The following DCC variants were observed in gnomAD, a reference collection of about 807,000 sequenced individuals.
The protein encoded by DCC is netrin receptor DCC.
DCC carries 58 observed loss-of-function variants against 172.5 expected under a neutral mutation model. The observed-to-expected ratio is 0.34, with a 90% CI of 0.27 to 0.42. DCC has a LOEUF of 0.42. DCC is among the 10% of genes least tolerant of loss of function. The pLI is 1.00. For synonymous variants in DCC, 709 were observed against 644.5 expected (o/e 1.10, Z -1.52); for missense variants, 1,740 against 1,791.0 (o/e 0.97, Z 0.51).
intron 2 of DCC, among the ~76,000 whole-genome samples, chr18:52,839,349 C>G (rs563999549): frequency 1.3e-5 from 2 of 152,216 alleles, no homozygotes; most frequent in South Asian, 4.1e-4. Context: ...AGCTACCCAC[C>G]TAATTAGGCA....
intron 1 of DCC, among the ~76,000 whole-genome samples, chr18:52,734,528 T>C (rs1349109521): frequency 6.6e-6 from 1 of 152,124 alleles, no homozygotes; most frequent in Non-Finnish European, 1.5e-5. Flanking sequence ...ATAGGAGATG[T>C]TATCTTGTAT....
intron 1 of DCC, among the ~76,000 whole-genome samples, chr18:52,680,451 A>G (rs1260470285): frequency 2.0e-5 from 3 of 152,062 alleles, no homozygotes; most frequent in Non-Finnish European, 4.4e-5. Context: ...CTTATCCCAA[A>G]TGGAATTCCT....
intron 27 of DCC, among the ~76,000 whole-genome samples, chr18:53,518,029 A>C (rs1159112904): frequency 6.6e-6 from 1 of 152,140 alleles, no homozygotes; most frequent in African/African-American, 2.4e-5. Context: ...TTCCTTGCCT[A>C]TCAGAAGTGT....
At chr18:52,861,468 C>T (rs542183929) in intron 2 of DCC, among the ~76,000 whole-genome samples, 6 of 152,128 alleles carry the variant, frequency 3.9e-5, no homozygotes, top group South Asian at 4.2e-4. Flanking sequence ...ATGTAAACAA[C>T]GATATTACCA....
chr18:53,396,210 T>C (rs11874624), intron 17 of DCC, among the ~76,000 whole-genome samples: 64,614 of 152,008 alleles, frequency 0.43, 15,505 homozygotes, highest in Non-Finnish European at 0.55. Context: ...CATAAATAGA[T>C]AATAAATGTA....
intron 21 of DCC, among the ~76,000 whole-genome samples, chr18:53,429,260 G>GGTTTC (rs1911444471): frequency 6.7e-6 from 1 of 149,998 alleles, no homozygotes; most frequent in Non-Finnish European, 1.5e-5. Context: ...TACTTTAGAA[G>GGTTTC]ATGGTCTCTG....
At chr18:53,125,755 A>C (rs1361300243) in intron 7 of DCC, among the ~76,000 whole-genome samples, 2 of 152,148 alleles carry the variant, frequency 1.3e-5, no homozygotes, top group Admixed American at 1.3e-4. Context: ...GCAGCTCCGA[A>C]GTGTACACAC....
At chr18:53,104,136 G>T (rs2043211614) in intron 7 of DCC, among the ~76,000 whole-genome samples, 1 of 152,004 alleles carries the variant, frequency 6.6e-6, no homozygotes, top group South Asian at 2.1e-4. Context: ...GTGCAGCATG[G>T]CAGTGATCTA....
At position 52,715,344 on chromosome 18, in the gene DCC, G is replaced by C. The variant is rs546030858; in HGVS notation, c.92-36710G>C. 1.0e-4 allele frequency among the ~76,000 whole-genome samples: 15 copies of C among 148,346 alleles called. No individual in the cohort carries two copies. In the South Asian group the frequency reaches 1.9e-3, roughly 19 times the overall value. On this transcript the variant is annotated intron_variant, in intron 1 of 28. Coordinates refer to ENST00000442544, the MANE Select transcript of DCC (RefSeq NM_005215.4). The stretch of plus-strand genomic sequence containing the variant: ...AGACCAAGTGTCACTTTATTGCCCA[G>C]GCTGGAGTGCCGTGGCATGATATCA...
chr18:52,914,980 C>T (rs1182014393), intron 3 of DCC, among the ~76,000 whole-genome samples: 1 of 151,798 alleles, frequency 6.6e-6, no homozygotes, highest in African/African-American at 2.4e-5. Context: ...TAAAGAAAAC[C>T]GAGGAGTACA....
chr18:52,977,398 C>T lies in DCC; in HGVS notation c.985+52028C>T, dbSNP rs2041135925. Reference sequence around the variant, plus strand: ...GCCCATGAGGACATTTAAAAAGATCCCAGGGTGATGCCAATGCACAGCCTG... The same window carrying T: ...GCCCATGAGGACATTTAAAAAGATCTCAGGGTGATGCCAATGCACAGCCTG... On this transcript the variant is annotated intron_variant, in intron 5 of 28. Transcript: ENST00000442544. 2.6e-5 allele frequency among the ~76,000 whole-genome samples: 4 copies of T among 152,014 alleles called. 1 individual carries two copies. In the South Asian group the frequency reaches 8.3e-4, roughly 32 times the overall value.
At chr18:52,876,430 G>A (rs1372420212) in intron 2 of DCC, among the ~76,000 whole-genome samples, 1 of 152,146 alleles carries the variant, frequency 6.6e-6, no homozygotes, top group East Asian at 1.9e-4. Flanking sequence ...ATATGCATAG[G>A]CATACATTCT....
chr18:53,162,817 T>G (rs1483553401), intron 8 of DCC, among the ~76,000 whole-genome samples: 2 of 152,220 alleles, frequency 1.3e-5, no homozygotes, highest in African/African-American at 4.8e-5. Flanking sequence ...CTTACAAATT[T>G]TGTTTCCCTA....
chr18:52,604,542 A>T (rs1767044217), intron 1 of DCC, among the ~76,000 whole-genome samples: 1 of 152,158 alleles, frequency 6.6e-6, no homozygotes, highest in South Asian at 2.1e-4. Context: ...AGAACAGAGA[A>T]GGGAGGAAGG....
At chr18:52,435,623 A>G (rs1021827383) in intron 1 of DCC, among the ~76,000 whole-genome samples, 3 of 152,130 alleles carry the variant, frequency 2.0e-5, no homozygotes, top group Admixed American at 6.5e-5. Flanking sequence ...TAGTGACAGC[A>G]ATCCACCTTC....
chr18:52,861,264 A>G (rs2039138008), intron 2 of DCC, among the ~76,000 whole-genome samples: 1 of 152,184 alleles, frequency 6.6e-6, no homozygotes, highest in African/African-American at 2.4e-5. Context: ...AACAATGTAG[A>G]CAAGGTACCA....
At chr18:52,420,925 A>G (rs17748074) in intron 1 of DCC, among the ~76,000 whole-genome samples, 51,132 of 151,922 alleles carry the variant, frequency 0.34, 9,143 homozygotes, top group Non-Finnish European at 0.4. Context: ...GTGATTCAGG[A>G]TTTAAGGACT....
chr18:52,893,987 C>T (rs1032972039), intron 2 of DCC, among the ~76,000 whole-genome samples: 1 of 152,166 alleles, frequency 6.6e-6, no homozygotes, highest in African/African-American at 2.4e-5. Context: ...TATTTACTGA[C>T]TTACTTGCCA....
intron 1 of DCC, among the ~76,000 whole-genome samples, chr18:52,563,137 T>A (rs1277220805): frequency 2.0e-5 from 3 of 152,112 alleles, no homozygotes; most frequent in Non-Finnish European, 4.4e-5. Flanking sequence ...TTAAAAAGTG[T>A]CTACACAATG....
Sources: gnomAD v4.1 joint callset for allele counts (sites outside exome capture counted in the v4.1 genomes callset) on GRCh38, gnomAD v4.1.1 for gene constraint, MANE v1.5 for transcripts, NCBI Gene and HGNC (gene_info 2026-07-23, HGNC 2026-07-21) for gene names.